The following ZHX2 variants were observed in gnomAD, a reference collection of about 807,000 sequenced individuals.
ZHX2 encodes the protein zinc fingers and homeoboxes 2, also known as zinc fingers and homeoboxes protein 2.
ZHX2 carries 6 observed loss-of-function variants against 21.9 expected under a neutral mutation model. The observed-to-expected ratio is 0.27, with a 90% CI of 0.15 to 0.54. The LOEUF (loss-of-function observed/expected upper bound fraction) is 0.54, where lower values mean the gene tolerates loss of function less well. Among genes scored for constraint, ZHX2 ranks in the 20% least tolerant of loss-of-function variants. The probability of loss-of-function intolerance (pLI) is 0.95; values close to 1 mark genes in which losing one functional copy is unlikely to be tolerated. For synonymous variants in ZHX2, 434 were observed against 437.1 expected (o/e 0.99, Z 0.09); for missense variants, 908 against 1,090.7 (o/e 0.83, Z 2.36).
intron 2 of ZHX2, among the ~76,000 whole-genome samples, chr8:122,880,220 C>G (rs1231667750): frequency 2.0e-5 from 3 of 151,870 alleles, no homozygotes; most frequent in African/African-American, 7.3e-5. Flanking sequence ...GGGATTCACC[C>G]GCCTCAGCCT....
At chr8:122,798,026 C>T (rs1393569334) in intron 1 of ZHX2, among the ~76,000 whole-genome samples, 1 of 152,106 alleles carries the variant, frequency 6.6e-6, no homozygotes, top group African/African-American at 2.4e-5. Flanking sequence ...TCCTGATTAT[C>T]TGTATGGAAT....
intron 1 of ZHX2, among the ~76,000 whole-genome samples, chr8:122,831,444 G>A (rs986643271): frequency 2.2e-4 from 33 of 152,324 alleles, no homozygotes; most frequent in Non-Finnish European, 8.8e-5. Context: ...AGGCTTTGGA[G>A]GTGAGGAAGG....
chr8:122,866,847 CA>C (rs1819310764), intron 2 of ZHX2, among the ~76,000 whole-genome samples: 1 of 152,136 alleles, frequency 6.6e-6, no homozygotes, highest in Admixed American at 6.5e-5. Flanking sequence ...ATTTTTGAGA[CA>C]GAGTCTCGCT....
chr8:122,846,611 G>A (rs1334030431), intron 1 of ZHX2, among the ~76,000 whole-genome samples: 2 of 144,826 alleles, frequency 1.4e-5, no homozygotes, highest in Non-Finnish European at 3.0e-5. Flanking sequence ...GTTTGAAAGT[G>A]ATTCTCTTTT....
At chr8:122,825,512 A>G (rs1040946721) in intron 1 of ZHX2, among the ~76,000 whole-genome samples, 2 of 152,030 alleles carry the variant, frequency 1.3e-5, no homozygotes, top group South Asian at 4.2e-4. Flanking sequence ...CTAGTTTTCG[A>G]GCTCTGCCAT....
chr8:122,804,315 G>A (rs1817781972), intron 1 of ZHX2, among the ~76,000 whole-genome samples: 1 of 152,108 alleles, frequency 6.6e-6, no homozygotes, highest in East Asian at 1.9e-4. Context: ...CACCTTGTTG[G>A]TTAGGCTGGT....
chr8:122,782,982 G>C lies in ZHX2; in HGVS notation c.-283+1036G>C, dbSNP rs1467819576. On this transcript the variant is annotated intron_variant, in intron 1 of 3. Transcript: ENST00000314393. The surrounding 1 kb of genome is among the most constrained non-coding windows in gnomAD (Gnocchi z 5.3). ...GAGGCTGCGGAGACGAAGATGAGCGGAAAGTTGGAAACCAGCAGGCATCAC... is the reference window on the plus strand; with the variant it reads ...GAGGCTGCGGAGACGAAGATGAGCGCAAAGTTGGAAACCAGCAGGCATCAC... 6.6e-6 allele frequency among the ~76,000 whole-genome samples: 1 copy of C among 152,224 alleles called. No individual in the cohort carries two copies. The highest frequency in any genetic ancestry group is 1.5e-5 in the Non-Finnish European group (1 of 68,040).
chr8:122,875,129 T>TTATA (rs71310631), intron 2 of ZHX2, among the ~76,000 whole-genome samples: 7 of 10,214 alleles, frequency 6.9e-4, no homozygotes, highest in Non-Finnish European at 9.6e-4. Flanking sequence ...GAAAACTCTG[T>TTATA]TATATATATA....
chr8:122,953,303 G>T lies in ZHX2; in HGVS notation c.1793G>T (p.Gly598Val), dbSNP rs1586420483. 6 of 1,614,048 alleles carry T rather than the reference G, an allele frequency of 3.7e-6. No individual in the cohort carries two copies. Among genetic ancestry groups the T allele is most frequent in the Non-Finnish European group, 5.1e-6 (6 of 1,180,006 alleles). ...GCTGTCTTGGATTCCATGGGGTCTG[G>T]CAAAAAAGGCCAAGATGTGGGAGCC... ...EQAVLDSMGS[G>V]KKGQDVGAPN... Residue 598 changes from glycine (G) to valine (V), a missense_variant, in exon 3 of 4, where the codon GGC becomes GTC. Physicochemically the swap from Gly to Val is moderately radical, Grantham distance 109. Around this residue, in one of 4 missense-constraint regions of ZHX2, gnomAD observed 431 missense variants for 428.6 expected, o/e 1.01. Coordinates refer to ENST00000314393, the MANE Select transcript of ZHX2 (RefSeq NM_014943.5). This position sits in a 1 kb window ranked among gnomAD's most constrained non-coding sequence, Gnocchi z 4.6.
intron 2 of ZHX2, among the ~76,000 whole-genome samples, chr8:122,908,749 G>A (rs184112256): frequency 3.3e-5 from 5 of 152,302 alleles, no homozygotes; most frequent in Admixed American, 6.5e-5. Flanking sequence ...GCCAGTGAAC[G>A]ACTGTGGCTA....
chr8:122,812,594 C>T (rs1176630508), intron 1 of ZHX2, among the ~76,000 whole-genome samples: 1 of 152,140 alleles, frequency 6.6e-6, no homozygotes, highest in Non-Finnish European at 1.5e-5. Context: ...TGACTCTGGG[C>T]CTCTCTTGAA....
At chr8:122,872,796 G>A (rs138722395) in intron 2 of ZHX2, among the ~76,000 whole-genome samples, 3 of 152,182 alleles carry the variant, frequency 2.0e-5, no homozygotes, top group Admixed American at 6.5e-5. Flanking sequence ...CTGGCTTTGC[G>A]CCCAGCTGGA....
rs1449455394 is a variant in ZHX2, at chr8:122,828,989, TAACTC to T, written c.-282-34487_-282-34483del. ...TTTCACCAAAAAGAAAACATTTACT[TAACTC>T]TGAGCCATTTATTAAATAGAATATT... On this transcript the variant is annotated intron_variant, in intron 1 of 3. Coordinates refer to ENST00000314393, the MANE Select transcript of ZHX2 (RefSeq NM_014943.5). This position sits in a 1 kb window ranked among gnomAD's most constrained non-coding sequence, Gnocchi z 5.2. Among the ~76,000 whole-genome samples, 2 of 152,342 alleles carry T rather than the reference TAACTC, an allele frequency of 1.3e-5. No homozygotes were observed. The highest frequency in any genetic ancestry group is 4.8e-5 in the African/African-American group (2 of 41,580).
At chr8:122,813,728 A>T (rs1817975624) in intron 1 of ZHX2, among the ~76,000 whole-genome samples, 1 of 152,224 alleles carries the variant, frequency 6.6e-6, no homozygotes, top group Admixed American at 6.5e-5. Context: ...AAGATCCAAA[A>T]AATGGAATGC....
chr8:122,900,637 G>T (rs1436701316), intron 2 of ZHX2, among the ~76,000 whole-genome samples: 1 of 152,110 alleles, frequency 6.6e-6, no homozygotes, highest in Non-Finnish European at 1.5e-5. Context: ...ATATACGTTG[G>T]CCCTTAATTT....
chr8:122,916,265 CAT>C (rs1054748104), intron 2 of ZHX2, among the ~76,000 whole-genome samples: 14 of 152,248 alleles, frequency 9.2e-5, no homozygotes, highest in African/African-American at 3.4e-4. Context: ...TTCCTGGCTG[CAT>C]CCCTGCTGGG....
chr8:122,836,165 C>G (rs945139674), intron 1 of ZHX2, among the ~76,000 whole-genome samples: 4 of 152,152 alleles, frequency 2.6e-5, no homozygotes, highest in African/African-American at 9.7e-5. Flanking sequence ...AGAGGCACCC[C>G]CCTAAGGCCA....
intron 2 of ZHX2, among the ~76,000 whole-genome samples, chr8:122,892,624 T>C (rs1432727189): frequency 6.6e-6 from 1 of 152,226 alleles, no homozygotes; most frequent in East Asian, 1.9e-4. Context: ...TTCATCGTGG[T>C]AGTTAATCAT....
intron 2 of ZHX2, among the ~76,000 whole-genome samples, chr8:122,935,108 C>A (rs183109167): frequency 7.9e-5 from 12 of 151,788 alleles, no homozygotes; most frequent in African/African-American, 2.9e-4. Flanking sequence ...AAAATTTCTT[C>A]TAATATTTGA....
Sources: allele counts gnomAD v4.1 joint callset (sites outside exome capture counted in the v4.1 genomes callset), GRCh38; gene constraint gnomAD v4.1.1; regional missense constraint gnomAD v4.1.1; non-coding constraint Gnocchi (gnomAD v3.1); transcripts MANE v1.5; gene names NCBI Gene and HGNC (gene_info 2026-07-23, HGNC 2026-07-21).